Variants in GRM7 observed in about 807,000 individuals in gnomAD.
GRM7 encodes the protein metabotropic glutamate receptor 7.
GRM7 carries 35 observed loss-of-function variants against 84.5 expected under a neutral mutation model. The observed-to-expected ratio is 0.41, with a 90% CI of 0.32 to 0.55. The LOEUF (loss-of-function observed/expected upper bound fraction) is 0.55, where lower values mean the gene tolerates loss of function less well. Among genes scored for constraint, GRM7 ranks in the 20% least tolerant of loss-of-function variants. GRM7 has a pLI of 0.19. For missense variants in GRM7, 1,003 were observed against 1,194.6 expected, an observed-to-expected ratio of 0.84 and a Z score of 2.36; for synonymous variants, 487 against 455.1, an observed-to-expected ratio of 1.07 and a Z score of -0.89.
chr3:7,338,668 G>A (rs1701520413), intron 4 of GRM7, among the ~76,000 whole-genome samples: 1 of 152,020 alleles, frequency 6.6e-6, no homozygotes, highest in African/African-American at 2.4e-5. Flanking sequence ...GATGCTCTGT[G>A]AAAATGTCTG....
chr3:7,241,325 G>A (rs535852124), intron 2 of GRM7, among the ~76,000 whole-genome samples: 8 of 152,006 alleles, frequency 5.3e-5, no homozygotes, highest in Admixed American at 2.6e-4. Context: ...CACTGTCTGC[G>A]TTGTCATCAT....
At chr3:7,553,973 AG>A (rs540565433) in intron 7 of GRM7, among the ~76,000 whole-genome samples, 213 of 152,322 alleles carry the variant, frequency 1.4e-3, no homozygotes, top group Middle Eastern at 3.4e-3. Flanking sequence ...TTTGTTTTCA[AG>A]AACTCAACTA....
At chr3:7,267,896 TG>T (rs953633917) in intron 2 of GRM7, among the ~76,000 whole-genome samples, 24 of 150,302 alleles carry the variant, frequency 1.6e-4, no homozygotes, top group Admixed American at 1.1e-3. Flanking sequence ...TCAAATTCTA[TG>T]TTTTTTTTCA....
intron 8 of GRM7, among the ~76,000 whole-genome samples, chr3:7,642,173 A>AT (rs1698394363): frequency 6.6e-6 from 1 of 152,172 alleles, no homozygotes; most frequent in Non-Finnish European, 1.5e-5. Context: ...GTAAATGTAC[A>AT]TTTTTGCCTA....
intron 2 of GRM7, among the ~76,000 whole-genome samples, chr3:7,199,541 T>C (rs1695994482): frequency 2.0e-5 from 3 of 152,212 alleles, no homozygotes. Context: ...CAGTGGCTTT[T>C]TATGGAGGAT....
At chr3:7,597,366 C>G (rs763575502) in intron 8 of GRM7, among the ~76,000 whole-genome samples, 1 of 152,150 alleles carries the variant, frequency 6.6e-6, no homozygotes, top group Non-Finnish European at 1.5e-5. Flanking sequence ...ATCTCCCACA[C>G]TGGGGATTAC....
chr3:6,932,929 A>G (rs547186511), intron 1 of GRM7, among the ~76,000 whole-genome samples: 1 of 151,144 alleles, frequency 6.6e-6, no homozygotes, highest in South Asian at 2.1e-4. Context: ...TAATTTTTGT[A>G]TTTCTAATAG....
intron 1 of GRM7, among the ~76,000 whole-genome samples, chr3:7,084,161 A>C (rs1357133518): frequency 2.6e-5 from 4 of 152,046 alleles, no homozygotes; most frequent in Admixed American, 1.3e-4. Flanking sequence ...TGGAAAACAG[A>C]CTCCAAGGGA....
intron 7 of GRM7, among the ~76,000 whole-genome samples, chr3:7,537,900 T>G (rs1033318048): frequency 6.6e-6 from 1 of 152,130 alleles, no homozygotes; most frequent in African/African-American, 2.4e-5. Context: ...TGAGTCAACA[T>G]AGCAAAAAAT....
At chr3:7,370,132 T>A (rs1333452835) in intron 4 of GRM7, among the ~76,000 whole-genome samples, 2 of 152,150 alleles carry the variant, frequency 1.3e-5, no homozygotes, top group Non-Finnish European at 2.9e-5. Flanking sequence ...AAATTTTCAA[T>A]TAGCTTTCTC....
Position 6,964,402 on chromosome 3 carries a change from T to C in GRM7, c.519+102495T>C, listed in dbSNP as rs543641555. Among the ~76,000 whole-genome samples, 63 of 152,246 alleles carry C rather than the reference T, an allele frequency of 4.1e-4. 1 individual carries two copies. In the Middle Eastern group the frequency reaches 0.014, roughly 33 times the overall value. On this transcript the variant is annotated intron_variant, in intron 1 of 9. Transcript: ENST00000357716. ...GGGGTCCCTTTTATGAGGGCACTAATCCCATTCATGAGGATTACGCATTGT... is the reference window on the plus strand; with the variant it reads ...GGGGTCCCTTTTATGAGGGCACTAACCCCATTCATGAGGATTACGCATTGT...
chr3:7,240,112 C>T (rs1379724136), intron 2 of GRM7, among the ~76,000 whole-genome samples: 1 of 85,282 alleles, frequency 1.2e-5, no homozygotes. Context: ...AATCTTTTAG[C>T]ATGTGAGGTT....
chr3:7,405,983 A>T (rs1695658737), intron 4 of GRM7, among the ~76,000 whole-genome samples: 1 of 151,712 alleles, frequency 6.6e-6, no homozygotes, highest in African/African-American at 2.4e-5. Flanking sequence ...TATTATATAT[A>T]TAATGGTAAT....
At chr3:7,397,230 C>T (rs938384196) in intron 4 of GRM7, among the ~76,000 whole-genome samples, 3 of 152,134 alleles carry the variant, frequency 2.0e-5, no homozygotes, top group Non-Finnish European at 2.9e-5. Flanking sequence ...TTTGGTGACT[C>T]GTCATCCAGA....
At chr3:7,686,593 C>T in intron 9 of GRM7, 1 of 592,518 alleles carries the variant, frequency 1.7e-6, no homozygotes, top group Non-Finnish European at 3.1e-6. Context: ...ATTTGATAAG[C>T]TTAGTGCCAG....
At chr3:6,884,005 A>G (rs1022956723) in intron 1 of GRM7, among the ~76,000 whole-genome samples, 2 of 152,214 alleles carry the variant, frequency 1.3e-5, no homozygotes, top group Non-Finnish European at 2.9e-5. Flanking sequence ...AAAAATGCCA[A>G]TATAAGTTAT....
At position 7,313,184 on chromosome 3, in the gene GRM7, C is replaced by T. The variant is rs192545528; in HGVS notation, c.1033+6532C>T. ...CCTCAGGCAATCCGCCCTCCTCAGC[C>T]CCCCAAAGTGCTGGGATTACAGGCG... is the stretch of plus-strand genomic sequence containing the variant. On this transcript the variant is annotated intron_variant, in intron 4 of 9. Coordinates refer to ENST00000357716, the MANE Select transcript of GRM7 (RefSeq NM_000844.4). 2.6e-5 allele frequency among the ~76,000 whole-genome samples: 4 copies of T among 152,170 alleles called. No individual in the cohort carries two copies. The East Asian group carries it at 5.8e-4, about 22-fold the overall frequency.
chr3:6,990,546 C>A (rs1339392559), intron 1 of GRM7, among the ~76,000 whole-genome samples: 2 of 152,124 alleles, frequency 1.3e-5, no homozygotes, highest in Non-Finnish European at 2.9e-5. Flanking sequence ...GAGAGGGTTT[C>A]ATGGACGGGG....
chr3:7,133,531 C>A (rs1277047449), intron 1 of GRM7, among the ~76,000 whole-genome samples: 1 of 152,168 alleles, frequency 6.6e-6, no homozygotes, highest in African/African-American at 2.4e-5. Flanking sequence ...TCAACATCAC[C>A]AAGTTTGAGA....
Sources: gnomAD v4.1 joint callset for allele counts (sites outside exome capture counted in the v4.1 genomes callset) on GRCh38, gnomAD v4.1.1 for gene constraint, MANE v1.5 for transcripts, NCBI Gene and HGNC (gene_info 2026-07-23, HGNC 2026-07-21) for gene names.